The following MYCT1 variants were observed in gnomAD, a reference collection of about 807,000 sequenced individuals.
MYCT1 encodes MYC target 1.
MYCT1 carries 12 observed loss-of-function variants against 15.0 expected under a neutral mutation model. That is an observed-to-expected ratio of 0.80 (90% CI 0.51 to 1.29). MYCT1 has a LOEUF of 1.29. MYCT1 is among the 50% of genes most tolerant of loss of function. MYCT1 has a pLI of 0.00. For synonymous variants in MYCT1, 104 were observed against 102.7 expected, an observed-to-expected ratio of 1.01 and a Z score of -0.07; for missense variants, 287 against 279.1, an observed-to-expected ratio of 1.03 and a Z score of -0.20.
chr6:152,737,696 G>A, the MYCT1 span, among the ~76,000 whole-genome samples: 3 of 152,086 alleles, frequency 2.0e-5, no homozygotes, highest in South Asian at 6.2e-4. Flanking sequence ...GTGAATGAAA[G>A]AATAAACCCT....
downstream of MYCT1, among the ~76,000 whole-genome samples, chr6:152,729,559 A>G (rs955754490): frequency 9.2e-5 from 14 of 152,230 alleles, no homozygotes; most frequent in African/African-American, 3.4e-4. Flanking sequence ...AGTATAATGC[A>G]AAGAACCAAG....
intron 1 of MYCT1, among the ~76,000 whole-genome samples, chr6:152,718,622 A>G (rs778187259): frequency 3.9e-5 from 6 of 152,078 alleles, no homozygotes; most frequent in Non-Finnish European, 7.4e-5. Flanking sequence ...TCTCGAATCT[A>G]AAGTTTGCTA....
chr6:152,733,643 G>C, the MYCT1 span, among the ~76,000 whole-genome samples: 3 of 152,188 alleles, frequency 2.0e-5, no homozygotes, highest in Non-Finnish European at 2.9e-5. Context: ...GAGGCATGGA[G>C]CTTTTTAAAG....
intron 1 of MYCT1, among the ~76,000 whole-genome samples, chr6:152,704,134 C>T (rs2129068470): frequency 6.6e-6 from 1 of 151,984 alleles, no homozygotes; most frequent in South Asian, 2.1e-4. Flanking sequence ...ATAGCTGGGA[C>T]TACAGGTGTA....
At chr6:152,706,619 T>A (rs1050360633) in intron 1 of MYCT1, among the ~76,000 whole-genome samples, 3 of 152,106 alleles carry the variant, frequency 2.0e-5, no homozygotes, top group Admixed American at 6.6e-5. Flanking sequence ...TTTATTATTA[T>A]AAAGCTGGAT....
At chr6:152,720,815 G>A (rs1341079338) in intron 1 of MYCT1, among the ~76,000 whole-genome samples, 2 of 152,116 alleles carry the variant, frequency 1.3e-5, no homozygotes, top group East Asian at 1.9e-4. Flanking sequence ...ACAGGCTGGA[G>A]GAGTCTTCTA....
the MYCT1 span, among the ~76,000 whole-genome samples, chr6:152,731,949 A>G: frequency 6.6e-6 from 1 of 152,070 alleles, no homozygotes; most frequent in Non-Finnish European, 1.5e-5. Flanking sequence ...AGGTTTCACC[A>G]TGTGGCCTCG....
the MYCT1 span, among the ~76,000 whole-genome samples, chr6:152,736,288 C>A: frequency 6.6e-6 from 1 of 152,060 alleles, no homozygotes; most frequent in Non-Finnish European, 1.5e-5. Context: ...ATGCAATGAA[C>A]AAATTACTAA....
At chr6:152,712,304 A>AGGTGT (rs1193312721) in intron 1 of MYCT1, among the ~76,000 whole-genome samples, 1 of 46,274 alleles carries the variant, frequency 2.2e-5, no homozygotes, top group Non-Finnish European at 5.0e-5. Context: ...ATTTTGGAAT[A>AGGTGT]GGTGTGGTGT....
intron 1 of MYCT1, among the ~76,000 whole-genome samples, chr6:152,701,195 C>T (rs1430077788): frequency 6.6e-6 from 1 of 152,130 alleles, no homozygotes; most frequent in Non-Finnish European, 1.5e-5. Context: ...TTTTCCCTCA[C>T]CAACTCATTC....
intron 1 of MYCT1, among the ~76,000 whole-genome samples, chr6:152,703,590 C>A (rs150871841): frequency 7.9e-6 from 1 of 127,100 alleles, no homozygotes. Flanking sequence ...AACAGGAATT[C>A]AATTGTTTTG....
chr6:152,713,674 G>A (rs2099723125), intron 1 of MYCT1, among the ~76,000 whole-genome samples: 1 of 152,100 alleles, frequency 6.6e-6, no homozygotes, highest in South Asian at 2.1e-4. Flanking sequence ...TCCCACGTAT[G>A]TGTGATTCAG....
chr6:152,714,057 T>C (rs771737505), intron 1 of MYCT1, among the ~76,000 whole-genome samples: 15 of 152,070 alleles, frequency 9.9e-5, no homozygotes, highest in Non-Finnish European at 1.6e-4. Flanking sequence ...GGTCAGTTCA[T>C]AAAAGCTGAT....
At chr6:152,734,796 G>A in the MYCT1 span, among the ~76,000 whole-genome samples, 1 of 151,986 alleles carries the variant, frequency 6.6e-6, no homozygotes, top group South Asian at 2.1e-4. Flanking sequence ...CAGGCATATT[G>A]TAGACTCTTG....
At chr6:152,726,215 G>A (rs572758426), downstream of MYCT1, among the ~76,000 whole-genome samples, 2 of 152,140 alleles carry the variant, frequency 1.3e-5, no homozygotes, top group East Asian at 3.9e-4. Flanking sequence ...TGACCAACAT[G>A]GAGAAACCCT....
downstream of MYCT1, among the ~76,000 whole-genome samples, chr6:152,724,742 G>T (rs1417098): frequency 3.0e-3 from 449 of 152,060 alleles, 15 homozygotes; most frequent in East Asian, 0.079. Context: ...TTTTACTTTG[G>T]TATTTAAACC....
At chr6:152,719,687 G>A (rs189716453) in intron 1 of MYCT1, among the ~76,000 whole-genome samples, 1 of 152,286 alleles carries the variant, frequency 6.6e-6, no homozygotes, top group Non-Finnish European at 1.5e-5. Context: ...TATGGTGGAA[G>A]GACACTGAAC....
intron 1 of MYCT1, chr6:152,706,079 T>A: frequency 6.6e-7 from 1 of 1,512,520 alleles, no homozygotes; most frequent in Non-Finnish European, 9.2e-7. Context: ...GACCCTGGAA[T>A]GGGTGCAATG....
rs1038942352 is a variant in MYCT1 at position 152,724,414 on chromosome 6, C to T, written c.*2161C>T. ...TAACCATCTGGCAGAATTGTTGCTG[C>T]ACCCTTATCCCAGTTATAAGACAGT... On this transcript the variant is annotated 3_prime_UTR_variant, in exon 2 of 2. Transcript: ENST00000367245. 3 of 152,122 alleles carry T rather than the reference C, an allele frequency of 2.0e-5. No homozygotes were observed. The highest frequency in any genetic ancestry group is 4.4e-5 in the Non-Finnish European group (3 of 68,026). The allele number at this position is 152,122 out of a possible 1,614,324, so 9.4% of individuals were successfully genotyped here.
Sources: allele counts gnomAD v4.1 joint callset (sites outside exome capture counted in the v4.1 genomes callset), GRCh38; gene constraint gnomAD v4.1.1; transcripts MANE v1.5; gene names NCBI Gene and HGNC (gene_info 2026-07-23, HGNC 2026-07-21).